PRKCB: variants seen among roughly 807,000 people sequenced by gnomAD.
PRKCB encodes the protein protein kinase C beta type.
PRKCB carries 13 observed loss-of-function variants against 81.5 expected under a neutral mutation model. The observed-to-expected ratio is 0.16, with a 90% CI of 0.10 to 0.25. The LOEUF is 0.25. Ranked by LOEUF, PRKCB falls within the 10% of genes least tolerant of loss-of-function variation. The probability of loss-of-function intolerance (pLI) is 1.00; values close to 1 mark genes in which losing one functional copy is unlikely to be tolerated. For synonymous variants in PRKCB, 335 were observed against 321.4 expected (o/e 1.04, Z -0.45); for missense variants, 509 against 875.7 (o/e 0.58, Z 5.29).
chr16:24,161,922 G>T (rs990899626), intron 10 of PRKCB, among the ~76,000 whole-genome samples: 2 of 152,182 alleles, frequency 1.3e-5, no homozygotes, highest in Admixed American at 1.3e-4. Context: ...ACAATTGTCA[G>T]CCCGGCACAT....
chr16:23,862,153 G>T (rs1011939769), intron 2 of PRKCB, among the ~76,000 whole-genome samples: 1 of 152,206 alleles, frequency 6.6e-6, no homozygotes, highest in East Asian at 1.9e-4. Flanking sequence ...GGATTCATTC[G>T]TATTTCTCTG....
At chr16:24,054,349 T>C (rs995579363) in intron 5 of PRKCB, among the ~76,000 whole-genome samples, 1 of 152,236 alleles carries the variant, frequency 6.6e-6, no homozygotes, top group African/African-American at 2.4e-5. Context: ...CTTTGTCTTT[T>C]GTAGAGCATT....
intron 2 of PRKCB, among the ~76,000 whole-genome samples, chr16:23,890,481 AC>A (rs1294727160): frequency 3.3e-5 from 5 of 152,042 alleles, no homozygotes; most frequent in Admixed American, 6.5e-5. Flanking sequence ...GCTCCCTGGG[AC>A]CCTTAACTAT....
intron 7 of PRKCB, among the ~76,000 whole-genome samples, chr16:24,095,280 T>C (rs146328940): frequency 6.4e-4 from 98 of 152,240 alleles, no homozygotes; most frequent in African/African-American, 2.2e-3. Flanking sequence ...TCAGCCTCCC[T>C]GAAAATTTGG....
intron 2 of PRKCB, among the ~76,000 whole-genome samples, chr16:23,852,231 T>A (rs1962484900): frequency 6.6e-6 from 1 of 152,240 alleles, no homozygotes; most frequent in African/African-American, 2.4e-5. Flanking sequence ...AGAAGGATGT[T>A]AGCTACGGGT....
At chr16:24,007,762 C>G (rs1965145519) in intron 3 of PRKCB, among the ~76,000 whole-genome samples, 1 of 152,148 alleles carries the variant, frequency 6.6e-6, no homozygotes, top group African/African-American at 2.4e-5. Context: ...CTCACAATTT[C>G]CCAGAAGACC....
intron 2 of PRKCB, among the ~76,000 whole-genome samples, chr16:23,935,704 G>GAATGA (rs376235215): frequency 2.6e-5 from 4 of 152,276 alleles, no homozygotes; most frequent in African/African-American, 9.6e-5. Context: ...TCATAAAAGA[G>GAATGA]AATGAAATCA....
At chr16:24,072,372 A>G (rs1427932924) in intron 5 of PRKCB, among the ~76,000 whole-genome samples, 2 of 151,706 alleles carry the variant, frequency 1.3e-5, no homozygotes, top group East Asian at 1.9e-4. Context: ...AGCTCAAGCA[A>G]TCCTCCCACA....
At chr16:24,193,478 AAT>A (rs898138626) in intron 16 of PRKCB, among the ~76,000 whole-genome samples, 6 of 150,712 alleles carry the variant, frequency 4.0e-5, no homozygotes, top group Admixed American at 6.6e-5. Flanking sequence ...TAAATAAATA[AAT>A]AAATAAATAA....
Position 24,123,944 on chromosome 16 carries a change from A to G in PRKCB, c.1028A>G (p.Asn343Ser). Residue 343 changes from asparagine to serine, a missense_variant, in exon 9 of 17, where the codon AAC (asparagine) becomes AGC (serine). By Grantham distance (46) the Asn-to-Ser change is conservative (BLOSUM62 1). Coordinates refer to ENST00000643927, the MANE Select transcript of PRKCB (RefSeq NM_002738.7). ...NRDRMKLTDF[N>S]FLMVLGKGSF... is the part of the protein sequence containing the mutation. ...GACCGGATGAAACTGACCGATTTTA[A>G]CTTCCTAATGGTGCTGGGGAAAGGC... 1 of 1,614,180 alleles carries G rather than the reference A, an allele frequency of 6.2e-7. No individual in the cohort carries two copies. Among genetic ancestry groups the G allele is most frequent in the Non-Finnish European group, 8.5e-7 (1 of 1,180,024 alleles).
rs529037566 is a variant in PRKCB, at chr16:23,930,583, G to A, written c.206-57925G>A. 2.6e-5 allele frequency among the ~76,000 whole-genome samples: 4 copies of A among 151,864 alleles called. No homozygotes were observed. In the South Asian group the frequency reaches 6.2e-4, roughly 24 times the overall value. On this transcript the variant is annotated intron_variant, in intron 2 of 16. Coordinates refer to ENST00000643927, the MANE Select transcript of PRKCB (RefSeq NM_002738.7). ...GAACCTGTCTAAAAAAAAATATGAA[G>A]TTGCTCTTTTGAAGAGCATTCTAAT...
intron 5 of PRKCB, among the ~76,000 whole-genome samples, chr16:24,045,438 A>G (rs1461594213): frequency 1.3e-5 from 2 of 152,102 alleles, no homozygotes; most frequent in Non-Finnish European, 2.9e-5. Context: ...GCTGAGTCGC[A>G]TATGTTCTGG....
intron 10 of PRKCB, among the ~76,000 whole-genome samples, chr16:24,161,915 A>G (rs761120910): frequency 1.3e-5 from 2 of 152,150 alleles, no homozygotes; most frequent in Non-Finnish European, 2.9e-5. Context: ...CTCAGGGACA[A>G]TTGTCAGCCC....
intron 3 of PRKCB, among the ~76,000 whole-genome samples, chr16:24,018,631 A>G (rs540355439): frequency 6.6e-6 from 1 of 152,362 alleles, no homozygotes; most frequent in East Asian, 1.9e-4. Flanking sequence ...AAATTCTGCC[A>G]AAGTTTATAC....
intron 2 of PRKCB, among the ~76,000 whole-genome samples, chr16:23,904,398 C>T (rs775259742): frequency 2.6e-5 from 4 of 152,172 alleles, no homozygotes; most frequent in African/African-American, 9.7e-5. Flanking sequence ...CGTGGTGGCT[C>T]ATGTCTGTAA....
chr16:23,962,437 G>A (rs1004958819), intron 2 of PRKCB, among the ~76,000 whole-genome samples: 1 of 152,092 alleles, frequency 6.6e-6, no homozygotes. Flanking sequence ...ACCCTCTTTA[G>A]CATATTCTTG....
chr16:23,982,381 T>C (rs1964750527), intron 2 of PRKCB, among the ~76,000 whole-genome samples: 1 of 147,224 alleles, frequency 6.8e-6, no homozygotes, highest in Admixed American at 6.8e-5. Flanking sequence ...CCCTTGCCTT[T>C]CCCTTCCCCT....
rs138208246 is a variant in PRKCB at position 24,104,711 on chromosome 16, C to T, written c.822-8262C>T. ...GAGAGGTTGTCTTAGGCAGCGAGGA[C>T]GGCAAGCTCAAAGGCCCTGGGGCAG... On this transcript the variant is annotated intron_variant, in intron 7 of 16. Transcript: ENST00000643927. Among the ~76,000 whole-genome samples the T allele has an allele frequency of 1.9e-3, 289 of 152,176 alleles. 2 individuals are homozygous for T. In the East Asian group the frequency reaches 0.024, roughly 13 times the overall value.
At chr16:24,182,873 T>TTTTGTGTGTGTGTGTGTGTGTG (rs1555501177) in intron 13 of PRKCB, among the ~76,000 whole-genome samples, 1 of 133,520 alleles carries the variant, frequency 7.5e-6, no homozygotes, top group African/African-American at 3.1e-5. Context: ...ACATTGTTTC[T>TTTTGTGTGTGTGTGTGTGTGTG]TGTGTGTGTG....
Sources: allele counts gnomAD v4.1 joint callset (sites outside exome capture counted in the v4.1 genomes callset), GRCh38; gene constraint gnomAD v4.1.1; transcripts MANE v1.5; gene names NCBI Gene and HGNC (gene_info 2026-07-23, HGNC 2026-07-21).